DIS3L2: variants seen among roughly 807,000 people sequenced by gnomAD.
The protein encoded by DIS3L2 is DIS3-like exonuclease 2.
In DIS3L2, 34 loss-of-function variants were observed where a neutral mutation model predicts 97.5. The ratio of observed to expected loss-of-function variants is 0.35; its 90% CI spans 0.27 to 0.46. The LOEUF is 0.46. DIS3L2 is among the 20% of genes least tolerant of loss of function. The pLI is 1.00. For synonymous variants in DIS3L2, 435 were observed against 445.2 expected, an observed-to-expected ratio of 0.98 and a Z score of 0.29; for missense variants, 1,038 against 1,146.0, an observed-to-expected ratio of 0.91 and a Z score of 1.36.
At position 232,175,255 on chromosome 2, in the gene DIS3L2, C is replaced by A. The variant is rs73102529; in HGVS notation, c.1124+11623C>A. Among the ~76,000 whole-genome samples, 12 of 152,092 alleles carry A rather than the reference C, an allele frequency of 7.9e-5. No individual in the cohort carries two copies. The South Asian group carries it at 2.5e-3, about 32-fold the overall frequency. ...CTCATGGAAGAGTGTTGGATTTTGTCAAATGGTTTTTCTGTCTGTTGAGAT... is the reference window on the plus strand; with the variant it reads ...CTCATGGAAGAGTGTTGGATTTTGTAAAATGGTTTTTCTGTCTGTTGAGAT... On this transcript the variant is annotated intron_variant, in intron 9 of 20. Transcript: ENST00000325385.
chr2:232,039,184 TG>T (rs916962669), intron 5 of DIS3L2, among the ~76,000 whole-genome samples: 74 of 152,274 alleles, frequency 4.9e-4, no homozygotes, highest in African/African-American at 1.5e-3. Flanking sequence ...TATTCTGAAG[TG>T]GGGGAGTTCT....
chr2:232,322,247 G>A (rs1695457980), intron 14 of DIS3L2, among the ~76,000 whole-genome samples: 2 of 152,228 alleles, frequency 1.3e-5, no homozygotes, highest in African/African-American at 4.8e-5. Flanking sequence ...GGGGTGTCAG[G>A]GACCCTGGGT....
chr2:232,154,961 AT>A (rs1342090456), intron 8 of DIS3L2, among the ~76,000 whole-genome samples: 2 of 129,734 alleles, frequency 1.5e-5, no homozygotes, highest in Non-Finnish European at 3.2e-5. Context: ...GAGTGACCCG[AT>A]TTTCCAGGTG....
chr2:232,056,109 AC>A (rs1175000813), intron 5 of DIS3L2, among the ~76,000 whole-genome samples: 2 of 152,126 alleles, frequency 1.3e-5, no homozygotes, highest in Admixed American at 6.5e-5. Flanking sequence ...GATGCCTTAT[AC>A]CTGTAATCCC....
intron 10 of DIS3L2, among the ~76,000 whole-genome samples, chr2:232,237,727 G>T (rs911132468): frequency 1.2e-4 from 18 of 148,120 alleles, no homozygotes; most frequent in African/African-American, 4.5e-4. Context: ...ACAGGTGGAG[G>T]AAATGGTGGG....
chr2:232,219,105 C>A (rs1222481052), intron 10 of DIS3L2, among the ~76,000 whole-genome samples: 2 of 152,222 alleles, frequency 1.3e-5, no homozygotes, highest in African/African-American at 4.8e-5. Context: ...GATGAAATCG[C>A]CTTCTAAGAA....
At chr2:232,022,636 C>T (rs983302169) in intron 3 of DIS3L2, among the ~76,000 whole-genome samples, 1 of 152,112 alleles carries the variant, frequency 6.6e-6, no homozygotes, top group African/African-American at 2.4e-5. Context: ...AATTGTTAGA[C>T]ATTTAATTTC....
intron 1 of DIS3L2, among the ~76,000 whole-genome samples, chr2:231,962,404 C>T (rs1004664409): frequency 4.0e-5 from 6 of 151,484 alleles, no homozygotes; most frequent in Admixed American, 1.3e-4. Flanking sequence ...CATCTCTCCC[C>T]TCCTTCCAGT....
rs565398016 is a variant in DIS3L2 at position 232,325,337 on chromosome 2, T to C, written c.1740-4476T>C. On this transcript the variant is annotated intron_variant, in intron 14 of 20. Transcript: ENST00000325385. This position sits in a 1 kb window ranked among gnomAD's most constrained non-coding sequence, Gnocchi z 4.6. Reference sequence around the variant, plus strand: ...TATATTGATGTTGTTGCTTTTTCTTTAGAGGAACGTTTGTGCACTGTGGGA... The same window carrying C: ...TATATTGATGTTGTTGCTTTTTCTTCAGAGGAACGTTTGTGCACTGTGGGA... Among the ~76,000 whole-genome samples the C allele has an allele frequency of 6.6e-6, 1 of 152,318 alleles. No individual in the cohort carries two copies. The highest frequency in any genetic ancestry group is 1.9e-4 in the East Asian group (1 of 5,176).
chr2:232,333,227 G>GCCGCCTCCT (rs1418591802), intron 16 of DIS3L2, among the ~76,000 whole-genome samples: 1 of 24,226 alleles, frequency 4.1e-5, no homozygotes, highest in Non-Finnish European at 6.6e-5. Flanking sequence ...CTCCGCTGTC[G>GCCGCCTCCT]CCTCCTCCTC....
chr2:232,217,602 C>T (rs1692375990), intron 10 of DIS3L2, among the ~76,000 whole-genome samples: 1 of 152,198 alleles, frequency 6.6e-6, no homozygotes, highest in Admixed American at 6.5e-5. Context: ...GATCCTGCAA[C>T]CCCCTCCTTG....
intron 8 of DIS3L2, among the ~76,000 whole-genome samples, chr2:232,139,464 GTT>G (rs1046673837): frequency 6.6e-6 from 1 of 152,142 alleles, no homozygotes; most frequent in African/African-American, 2.4e-5. Flanking sequence ...TGAGGCAGGT[GTT>G]TTCCCTCGTC....
chr2:232,207,666 C>T (rs1020891557), intron 9 of DIS3L2, among the ~76,000 whole-genome samples: 2 of 152,182 alleles, frequency 1.3e-5, no homozygotes, highest in African/African-American at 2.4e-5. Context: ...TAAATGCTCT[C>T]GTTCCCTCCA....
chr2:231,987,618 C>T (rs1003899349), intron 1 of DIS3L2, among the ~76,000 whole-genome samples: 2 of 152,168 alleles, frequency 1.3e-5, no homozygotes, highest in Non-Finnish European at 2.9e-5. Context: ...AGAAGGCATG[C>T]GTAAGCACTG....
rs534051520 is a variant in DIS3L2, at chr2:232,106,494, A to G, written c.601+18773A>G. The stretch of plus-strand genomic sequence containing the variant: ...GGCATTACATAATGGTAAAGGGTTC[A>G]ATTCAACAAGAAGAGTTGCATTACA... On this transcript the variant is annotated intron_variant, in intron 6 of 20. Coordinates refer to ENST00000325385, the MANE Select transcript of DIS3L2 (RefSeq NM_152383.5). Among the ~76,000 whole-genome samples the G allele has an allele frequency of 2.1e-3, 320 of 152,314 alleles. 2 individuals carry two copies. The highest frequency in any genetic ancestry group is 7.3e-3 in the African/African-American group (304 of 41,576).
intron 5 of DIS3L2, among the ~76,000 whole-genome samples, chr2:232,087,161 G>T (rs1696686146): frequency 6.6e-6 from 1 of 151,962 alleles, no homozygotes; most frequent in South Asian, 2.1e-4. Context: ...ATATGGTGAG[G>T]GTTTATGAAG....
intron 6 of DIS3L2, among the ~76,000 whole-genome samples, chr2:232,096,929 T>G (rs1163490067): frequency 6.6e-6 from 1 of 152,228 alleles, no homozygotes; most frequent in Non-Finnish European, 1.5e-5. Context: ...CCTTGGTGCC[T>G]TAGTTTGTTT....
At chr2:232,157,966 A>T (rs1251561185) in intron 8 of DIS3L2, among the ~76,000 whole-genome samples, 1 of 151,880 alleles carries the variant, frequency 6.6e-6, no homozygotes, top group Non-Finnish European at 1.5e-5. Flanking sequence ...CCCTGTCTGG[A>T]CTCATTTCAG....
At chr2:232,096,112 A>AGT (rs1461683002) in intron 6 of DIS3L2, among the ~76,000 whole-genome samples, 1 of 139,576 alleles carries the variant, frequency 7.2e-6, no homozygotes. Flanking sequence ...TTTGAGACAG[A>AGT]GTCTCGCTCT....
Sources: gnomAD v4.1 joint callset for allele counts (sites outside exome capture counted in the v4.1 genomes callset) on GRCh38, gnomAD v4.1.1 for gene constraint, Gnocchi (gnomAD v3.1) non-coding constraint, MANE v1.5 for transcripts, NCBI Gene and HGNC (gene_info 2026-07-23, HGNC 2026-07-21) for gene names.